Variants in RTTN observed in about 807,000 individuals in gnomAD.
The protein encoded by RTTN is rotatin.
A neutral mutation model predicts 269.2 loss-of-function variants in RTTN; 182 were observed. The ratio of observed to expected loss-of-function variants is 0.68; its 90% confidence interval spans 0.60 to 0.76. The LOEUF is 0.76. Ranked by LOEUF, RTTN falls within the 30% of genes least tolerant of loss-of-function variation. The pLI is 0.00. For missense variants in RTTN, 2,545 were observed against 2,608.6 expected (o/e 0.98, Z 0.53); for synonymous variants, 1,006 against 963.5 (o/e 1.04, Z -0.82).
At chr18:70,111,242 T>C (rs2059456888) in intron 27 of RTTN, among the ~76,000 whole-genome samples, 1 of 152,208 alleles carries the variant, frequency 6.6e-6, no homozygotes, top group Admixed American at 6.5e-5. Context: ...AGTGGGTCCC[T>C]GACCCCCGTG....
intron 40 of RTTN, among the ~76,000 whole-genome samples, chr18:70,041,380 G>GCACA (rs10701052): frequency 0.013 from 1,945 of 147,422 alleles, 19 homozygotes; most frequent in South Asian, 0.031. Flanking sequence ...AAATGGGATT[G>GCACA]CACACACACA....
intron 4 of RTTN, 113 bp from the exon 5 acceptor site, chr18:70,199,617 T>C: frequency 1.5e-6 from 1 of 673,096 alleles, no homozygotes; most frequent in Non-Finnish European, 2.6e-6. Flanking sequence ...GGCTGCATCT[T>C]ACAGTAACCT....
At chr18:70,087,437 G>A (rs2058729993) in intron 31 of RTTN, among the ~76,000 whole-genome samples, 1 of 152,042 alleles carries the variant, frequency 6.6e-6, no homozygotes, top group Non-Finnish European at 1.5e-5. Context: ...GCTTGGAACT[G>A]GCGACTGCTA....
At chr18:70,175,704 T>C (rs2061273834) in intron 11 of RTTN, among the ~76,000 whole-genome samples, 1 of 149,170 alleles carries the variant, frequency 6.7e-6, no homozygotes, top group Non-Finnish European at 1.5e-5. Flanking sequence ...GTACAACAAA[T>C]ACAAGAAATA....
At chr18:70,186,835 A>C (rs2061557731) in intron 10 of RTTN, among the ~76,000 whole-genome samples, 1 of 152,176 alleles carries the variant, frequency 6.6e-6, no homozygotes, top group Admixed American at 6.5e-5. Context: ...ACATGGACCC[A>C]AAGAGGGGAA....
rs765375280 is a variant in RTTN, at chr18:70,167,042, A to G, written c.1690-11T>C. 5 of 1,549,082 alleles carry G rather than the reference A, an allele frequency of 3.2e-6. No individual in the cohort carries two copies. In the Admixed American group the frequency reaches 8.4e-5, roughly 26 times the overall value. On this transcript the variant is annotated splice_polypyrimidine_tract_variant and intron_variant, in intron 12 of 48. Transcript: ENST00000640769. ...GAGATTCTTCTCTCCCTACAAAAGA[A>G]GCAGAATGGAACAATAAATGTCAAG... is the stretch of plus-strand genomic sequence containing the variant.
chr18:70,110,579 C>T (rs993297728), intron 27 of RTTN, among the ~76,000 whole-genome samples: 4 of 152,196 alleles, frequency 2.6e-5, no homozygotes, highest in African/African-American at 4.8e-5. Flanking sequence ...GAGATTCCCT[C>T]GGTTGCCTAC....
chr18:70,090,832 G>A (rs2145224476), intron 30 of RTTN, among the ~76,000 whole-genome samples: 1 of 152,280 alleles, frequency 6.6e-6, no homozygotes, highest in South Asian at 2.1e-4. Context: ...TCATCCCACA[G>A]AGCCATCTAG....
chr18:70,035,214 T>A (rs1192563666), intron 40 of RTTN, among the ~76,000 whole-genome samples: 1 of 152,156 alleles, frequency 6.6e-6, no homozygotes, highest in African/African-American at 2.4e-5. Flanking sequence ...GAAAAAACTT[T>A]TAAAATTCAT....
chr18:70,086,460 C>T (rs185827210), intron 32 of RTTN, among the ~76,000 whole-genome samples, 153 bp downstream of exon 32: 7 of 151,998 alleles, frequency 4.6e-5, no homozygotes, highest in Admixed American at 2.6e-4. Flanking sequence ...TAAGTCTGGT[C>T]GGCATAAGAA....
chr18:70,075,513 C>G lies in RTTN; in HGVS notation c.4403G>C (p.Gly1468Ala), dbSNP rs1350062404. ...GGCAGGTTTTCCAATGAGCGATAGGCCAGAGTCCTCATCATGAACACAGGG... is the reference window on the plus strand; with the variant it reads ...GGCAGGTTTTCCAATGAGCGATAGGGCAGAGTCCTCATCATGAACACAGGG... ...QGPCVHDEDS[G>A]LSLIGKPALQ... The change falls in exon 33 of 49, where the codon GGC becomes GCC. Residue 1468 changes from glycine (G) to alanine (A), a missense_variant. Coordinates refer to ENST00000640769, the MANE Select transcript of RTTN (RefSeq NM_173630.4). 2.5e-6 allele frequency: 4 copies of G among 1,589,176 alleles called. No individual in the cohort carries two copies. The highest frequency in any genetic ancestry group is 1.7e-6 in the Non-Finnish European group (2 of 1,171,064).
intron 5 of RTTN, among the ~76,000 whole-genome samples, chr18:70,199,003 G>A (rs971503287): frequency 2.6e-5 from 4 of 152,028 alleles, no homozygotes; most frequent in Non-Finnish European, 4.4e-5. Context: ...CTTGGCCAAC[G>A]TGGGGAAACC....
At chr18:70,025,002 A>G (rs2056814005) in intron 43 of RTTN, among the ~76,000 whole-genome samples, 154 bp from the exon 44 acceptor site, 1 of 152,212 alleles carries the variant, frequency 6.6e-6, no homozygotes, top group African/African-American at 2.4e-5. Context: ...GGCTCCACAC[A>G]TGGCTGCCCT....
chr18:70,100,631 G>C (rs1458026968), intron 28 of RTTN, among the ~76,000 whole-genome samples: 1 of 152,192 alleles, frequency 6.6e-6, no homozygotes, highest in African/African-American at 2.4e-5. Context: ...GGAGTGGTGA[G>C]AGAGGGCATC....
In RTTN at chr18:70,109,529, A is replaced by T; in HGVS notation, c.3872T>A (p.Ile1291Asn). The change falls in exon 28 of 49, where the codon ATC (isoleucine) becomes AAC (asparagine). Residue 1291 changes from isoleucine to asparagine, a missense_variant. Physicochemically the swap from Ile to Asn is moderately radical, Grantham distance 149 (BLOSUM62 -3). Transcript: ENST00000640769. ...SHSPLTKPLDICVKYLSGLLE... is the reference protein window; with the variant it reads ...SHSPLTKPLDNCVKYLSGLLE... ...GAGACCTGACAAGTACTTCACACAG[A>T]TATCTAGAGGCTTTGTGAGAGGAGA... 2 of 1,614,122 alleles carry T rather than the reference A, an allele frequency of 1.2e-6. No individual in the cohort carries two copies.
chr18:70,183,712 C>T (rs905545608), intron 10 of RTTN, among the ~76,000 whole-genome samples: 2 of 152,116 alleles, frequency 1.3e-5, no homozygotes, highest in Non-Finnish European at 2.9e-5. Flanking sequence ...AAAAATGGCT[C>T]CCGACGTTGC....
chr18:70,052,765 T>A (rs1057403721), intron 38 of RTTN, among the ~76,000 whole-genome samples: 1 of 151,504 alleles, frequency 6.6e-6, no homozygotes, highest in Non-Finnish European at 1.5e-5. Context: ...CAGAAAAAAA[T>A]TTTAAAAACT....
At chr18:70,139,958 T>C in intron 20 of RTTN, 142 bp downstream of exon 20, 1 of 534,650 alleles carries the variant, frequency 1.9e-6, no homozygotes. Context: ...TTTTCGAATT[T>C]AAAAAAAAAA....
At chr18:70,080,149 T>A (rs2058526745) in intron 32 of RTTN, among the ~76,000 whole-genome samples, 1 of 152,108 alleles carries the variant, frequency 6.6e-6, no homozygotes, top group East Asian at 1.9e-4. Context: ...ATTAATCATA[T>A]CAAATATCAA....
Sources: gnomAD v4.1 joint callset for allele counts (sites outside exome capture counted in the v4.1 genomes callset) on GRCh38, gnomAD v4.1.1 for gene constraint, MANE v1.5 for transcripts, NCBI Gene and HGNC (gene_info 2026-07-23, HGNC 2026-07-21) for gene names.